Variants in ARHGAP18 observed in about 807,000 individuals in gnomAD.
The protein encoded by ARHGAP18 is Rho GTPase activating protein 18, also known as rho GTPase-activating protein 18.
A neutral mutation model predicts 86.2 loss-of-function variants in ARHGAP18; 67 were observed. The ratio of observed to expected loss-of-function variants is 0.78; its 90% CI spans 0.64 to 0.95. ARHGAP18 has a LOEUF of 0.95. Ranked by LOEUF, ARHGAP18 falls within the 40% of genes least tolerant of loss-of-function variation. The pLI is 0.00. For synonymous variants in ARHGAP18, 283 were observed against 280.4 expected (o/e 1.01, Z -0.09); for missense variants, 691 against 780.4 (o/e 0.89, Z 1.37).
At chr6:129,606,071 T>G in intron 9 of ARHGAP18, 112 bp from the exon 10 acceptor site, 1 of 963,518 alleles carries the variant, frequency 1.0e-6, no homozygotes, top group Non-Finnish European at 1.6e-6. Flanking sequence ...GACTGTAAAA[T>G]GTAAGACACA....
chr6:129,643,829 A>C (rs1773519816), intron 1 of ARHGAP18, among the ~76,000 whole-genome samples: 1 of 152,228 alleles, frequency 6.6e-6, no homozygotes, highest in Non-Finnish European at 1.5e-5. Context: ...GGATTTTAAT[A>C]GTACATAAGG....
rs1789328702 is a variant in ARHGAP18, at chr6:129,625,075, T to TATATG, written c.786+4277_786+4278insCATAT. Among the ~76,000 whole-genome samples, 5 of 105,176 alleles carry TATATG rather than the reference T, an allele frequency of 4.8e-5. 1 individual carries two copies. Among genetic ancestry groups the TATATG allele is most frequent in the African/African-American group, 2.0e-4 (5 of 24,762 alleles). The allele number at this position is 105,176 out of a possible 152,430, so 69.0% of individuals were successfully genotyped here. On this transcript the variant is annotated intron_variant, in intron 5 of 14. Coordinates refer to ENST00000368149, the MANE Select transcript of ARHGAP18 (RefSeq NM_033515.3). ...ATGATTGATATATATTTATATATAA[T>TATATG]ATATATGATATATGATATATGATAT...
Position 129,642,015 on chromosome 6 carries a change from G to A in ARHGAP18, c.117C>T (p.Arg39=), listed in dbSNP as rs149116232. 246 of 1,612,900 alleles carry A rather than the reference G, an allele frequency of 1.5e-4. No homozygotes were observed. The highest frequency in any genetic ancestry group is 2.0e-4 in the Admixed American group (12 of 59,836). ...GGTTCATAGTGTACTGGCCATATCT[G>A]CGACTGTAAATTCAAAAGAACCCAT... ...AKAGEEATSS[R]RYGQYTMNQE... The change falls in exon 2 of 15, where the codon CGC becomes CGT. Residue 39 remains arginine (R), a synonymous_variant. Transcript: ENST00000368149.
At chr6:129,680,081 G>A (rs1774299733) in intron 1 of ARHGAP18, among the ~76,000 whole-genome samples, 1 of 152,100 alleles carries the variant, frequency 6.6e-6, no homozygotes, top group South Asian at 2.1e-4. Context: ...GACCCAACTG[G>A]ATAATCCAGG....
intron 1 of ARHGAP18, among the ~76,000 whole-genome samples, chr6:129,668,191 T>C (rs1774076945): frequency 6.6e-6 from 1 of 152,170 alleles, no homozygotes; most frequent in African/African-American, 2.4e-5. Flanking sequence ...AGTTCTTCTC[T>C]AGAGATAATG....
intron 1 of ARHGAP18, among the ~76,000 whole-genome samples, chr6:129,691,414 T>C (rs1001036760): frequency 6.6e-6 from 1 of 152,228 alleles, no homozygotes; most frequent in Non-Finnish European, 1.5e-5. Flanking sequence ...AAAAGAATTC[T>C]GTGCACTTTA....
At position 129,599,351 on chromosome 6, in the gene ARHGAP18, G is replaced by T; in HGVS notation, c.1578C>A (p.Pro526=). ...IKYQKLLWTI[P]KFIVNQVRKQ... ...TCCTCACTTGGTTTACAATAAACTT[G>T]GGAATCTATAGAGAAAAGGAATTAA... Residue 526 remains proline, a synonymous_variant, in exon 12 of 15, where the codon CCC becomes CCA. Coordinates refer to ENST00000368149, the MANE Select transcript of ARHGAP18 (RefSeq NM_033515.3). 6.5e-7 allele frequency: 1 copy of T among 1,542,150 alleles called. No homozygotes were observed. Among genetic ancestry groups the T allele is most frequent in the Admixed American group, 2.1e-5 (1 of 47,450 alleles).
At chr6:129,707,439 T>G (rs1399097192) in intron 1 of ARHGAP18, among the ~76,000 whole-genome samples, 3 of 152,116 alleles carry the variant, frequency 2.0e-5, no homozygotes, top group African/African-American at 7.2e-5. Context: ...TAGGAGGAAA[T>G]GCAGAATCTA....
intron 10 of ARHGAP18, among the ~76,000 whole-genome samples, chr6:129,603,191 T>A (rs1788783830): frequency 6.6e-6 from 1 of 152,110 alleles, no homozygotes; most frequent in Admixed American, 6.6e-5. Flanking sequence ...ATCATTCTTA[T>A]GCCTTTGCAT....
intron 10 of ARHGAP18, among the ~76,000 whole-genome samples, chr6:129,601,524 G>GAGAAAAGAGAGA (rs777905620): frequency 2.0e-5 from 3 of 150,970 alleles, no homozygotes; most frequent in Admixed American, 6.6e-5. Context: ...AGAGAGAAGA[G>GAGAAAAGAGAGA]AGAAAAGAGA....
intron 1 of ARHGAP18, among the ~76,000 whole-genome samples, chr6:129,702,519 G>A (rs1310412872): frequency 6.6e-6 from 1 of 152,194 alleles, no homozygotes; most frequent in African/African-American, 2.4e-5. Context: ...GCACAGGACA[G>A]AGGGCACCTA....
At position 129,611,514 on chromosome 6, in the gene ARHGAP18, A is replaced by T; in HGVS notation, c.1122+19T>A. 6.2e-7 allele frequency: 1 copy of T among 1,608,578 alleles called. No individual in the cohort carries two copies. Among genetic ancestry groups the T allele is most frequent in the South Asian group, 1.1e-5 (1 of 90,942 alleles). On this transcript the variant is annotated intron_variant, in intron 8 of 14. Transcript: ENST00000368149. The stretch of plus-strand genomic sequence containing the variant: ...AAATAAACAATAAAATGTTTACATT[A>T]GTAGAACCCAGAGATTACCTTGATT...
At chr6:129,673,479 T>C (rs776867424) in intron 1 of ARHGAP18, among the ~76,000 whole-genome samples, 3 of 152,162 alleles carry the variant, frequency 2.0e-5, no homozygotes, top group Non-Finnish European at 2.9e-5. Context: ...ATAGGAAGGA[T>C]AGAGTAAAGG....
At chr6:129,600,901 T>TAA in intron 10 of ARHGAP18, 53 bp from the exon 11 acceptor site, 3 of 1,471,300 alleles carry the variant, frequency 2.0e-6, no homozygotes, top group Non-Finnish European at 2.8e-6. Context: ...GATAAAAGAT[T>TAA]AAAGCACTGT....
At chr6:129,625,544 T>C (rs1584061442) in intron 5 of ARHGAP18, among the ~76,000 whole-genome samples, 1 of 66,506 alleles carries the variant, frequency 1.5e-5, no homozygotes, top group Non-Finnish European at 2.7e-5. Flanking sequence ...TTATATATTA[T>C]ATATATTTAT....
intron 12 of ARHGAP18, among the ~76,000 whole-genome samples, chr6:129,595,543 A>G (rs2114442384): frequency 6.6e-6 from 1 of 152,244 alleles, no homozygotes; most frequent in Non-Finnish European, 1.5e-5. Context: ...CTACCAATTT[A>G]TATACTCCCA....
intron 7 of ARHGAP18, 31 bp downstream of exon 7, chr6:129,616,181 T>G: frequency 1.3e-6 from 2 of 1,515,072 alleles, no homozygotes; most frequent in Non-Finnish European, 9.0e-7. Flanking sequence ...AAGTATGTTC[T>G]CTCTATGCTG....
At chr6:129,705,310 C>T (rs571606609) in intron 1 of ARHGAP18, among the ~76,000 whole-genome samples, 1 of 152,158 alleles carries the variant, frequency 6.6e-6, no homozygotes, top group South Asian at 2.1e-4. Flanking sequence ...ATTTGGCATG[C>T]TGGGCAGTAG....
At position 129,622,154 on chromosome 6, in the gene ARHGAP18, G is replaced by A. The variant is rs1200002364; in HGVS notation, c.787-3302C>T. On this transcript the variant is annotated intron_variant, in intron 5 of 14. Transcript: ENST00000368149. ...GGAGACACACATCCTACAGGGAGGC[G>A]AGCATAGAATCAAACTCAATGAGGT... Among the ~76,000 whole-genome samples, 5 of 152,246 alleles carry A rather than the reference G, an allele frequency of 3.3e-5. No individual in the cohort carries two copies. In the East Asian group the frequency reaches 5.8e-4, roughly 18 times the overall value.
Sources: allele counts gnomAD v4.1 joint callset (sites outside exome capture counted in the v4.1 genomes callset), GRCh38; gene constraint gnomAD v4.1.1; transcripts MANE v1.5; gene names NCBI Gene and HGNC (gene_info 2026-07-23, HGNC 2026-07-21).